SCN2A: variants seen among roughly 807,000 people sequenced by gnomAD.
SCN2A encodes sodium channel protein type 2 subunit alpha.
Under a neutral mutation model 188.7 loss-of-function variants are expected in SCN2A, and 20 were observed. The observed-to-expected ratio is 0.11, with a 90% CI of 0.07 to 0.15. The LOEUF is 0.15. Among genes scored for constraint, SCN2A ranks in the 10% least tolerant of loss-of-function variants. The probability of loss-of-function intolerance (pLI) is 1.00; values close to 1 mark genes in which losing one functional copy is unlikely to be tolerated. For missense variants in SCN2A, 1,278 were observed against 2,445.0 expected, an observed-to-expected ratio of 0.52 and a Z score of 10.07; for synonymous variants, 804 against 833.1, an observed-to-expected ratio of 0.97 and a Z score of 0.60.
chr2:165,258,966 A>C (rs1244954654), intron 1 of SCN2A, among the ~76,000 whole-genome samples: 1 of 152,220 alleles, frequency 6.6e-6, no homozygotes, highest in Non-Finnish European at 1.5e-5. Flanking sequence ...AGAGGATCAC[A>C]GAAAAGTGCT....
rs1700953750 is a variant in SCN2A at position 165,370,199 on chromosome 2, C to T, written c.3749C>T (p.Thr1250Ile). 1 of 1,613,950 alleles carries T rather than the reference C, an allele frequency of 6.2e-7. No individual in the cohort carries two copies. The highest frequency in any genetic ancestry group is 8.5e-7 in the Non-Finnish European group (1 of 1,179,956). The stretch of plus-strand genomic sequence containing the variant: ...TTAGAATATGCTGACAAGGTTTTCA[C>T]TTACATATTCATTCTGGAAATGCTG... ...TMLEYADKVF[T>I]YIFILEMLLK... is the part of the protein sequence containing the mutation. The change falls in exon 20 of 27, where the codon ACT becomes ATT. Residue 1250 changes from threonine (T) to isoleucine (I), a missense_variant. This residue lies in a region of SCN2A where 39 missense variants were observed against 130.2 expected (regional missense o/e 0.30). Coordinates refer to ENST00000375437, the MANE Select transcript of SCN2A (RefSeq NM_001040142.2).
At chr2:165,326,711 C>A in intron 12 of SCN2A, 141 bp from the exon 13 acceptor site, 2 of 1,017,674 alleles carry the variant, frequency 2.0e-6, no homozygotes, top group Non-Finnish European at 3.0e-6. Context: ...AAAGAATTAT[C>A]ATTCCAACAA....
intron 1 of SCN2A, among the ~76,000 whole-genome samples, chr2:165,251,240 C>CT (rs1694079222): frequency 6.6e-6 from 1 of 151,968 alleles, no homozygotes; most frequent in Non-Finnish European, 1.5e-5. Flanking sequence ...TGCTGAGTGG[C>CT]TCATAGACAA....
chr2:165,244,654 T>C (rs1693767245), intron 1 of SCN2A, among the ~76,000 whole-genome samples: 2 of 152,190 alleles, frequency 1.3e-5, no homozygotes, highest in Admixed American at 1.3e-4. Context: ...CAGTTAACTG[T>C]TTGTACTTAC....
At chr2:165,281,138 T>C (rs926717429) in intron 1 of SCN2A, among the ~76,000 whole-genome samples, 23 of 152,230 alleles carry the variant, frequency 1.5e-4, no homozygotes, top group Admixed American at 2.6e-4. Flanking sequence ...GGAGGATCAC[T>C]GGAGCCCAGG....
rs553234530 is a variant in SCN2A at position 165,240,756 on chromosome 2, C to T, written c.-52+1116C>T. On this transcript the variant is annotated intron_variant, in intron 1 of 26. Coordinates refer to ENST00000375437, the MANE Select transcript of SCN2A (RefSeq NM_001040142.2). ...ATGTTTTTATCTCAGTCATTGTTTTCCTGTAAAGAGGTAGTTTTGCCATGT... is the reference window on the plus strand; with the variant it reads ...ATGTTTTTATCTCAGTCATTGTTTTTCTGTAAAGAGGTAGTTTTGCCATGT... 2.8e-5 allele frequency among the ~76,000 whole-genome samples: 4 copies of T among 141,864 alleles called. No individual in the cohort carries two copies. The East Asian group carries it at 8.6e-4, about 31-fold the overall frequency. 93.1% of individuals were successfully genotyped at this position (141,864 alleles called of 152,430 possible). A position where few individuals can be genotyped will look rare whatever the true frequency, so the allele number is the denominator to read the frequency against.
intron 20 of SCN2A, 153 bp downstream of exon 20, chr2:165,370,452 T>C (rs1373916766): frequency 6.5e-6 from 5 of 770,426 alleles, no homozygotes; most frequent in Non-Finnish European, 4.5e-6. Context: ...CCTCAAAACA[T>C]TTTTTACCAA....
At chr2:165,305,717 T>C (rs1224348043) in intron 3 of SCN2A, among the ~76,000 whole-genome samples, 1 of 152,180 alleles carries the variant, frequency 6.6e-6, no homozygotes, top group Non-Finnish European at 1.5e-5. Flanking sequence ...TGACAAAACG[T>C]GAAGATGTTG....
At chr2:165,335,715 G>A (rs1360046118) in intron 14 of SCN2A, among the ~76,000 whole-genome samples, 1 of 151,480 alleles carries the variant, frequency 6.6e-6, no homozygotes, top group Non-Finnish European at 1.5e-5. Flanking sequence ...GATACCAAAA[G>A]CACACACAAT....
chr2:165,390,063 G>A lies in SCN2A; in HGVS notation c.*239G>A, dbSNP rs1702069410. ...ATTTTCACAACCAGCTGACACTGCTGAAGAGCAGAGGCGTAATGGCTACTC... is the reference window on the plus strand; with the variant it reads ...ATTTTCACAACCAGCTGACACTGCTAAAGAGCAGAGGCGTAATGGCTACTC... On this transcript the variant is annotated 3_prime_UTR_variant, in exon 27 of 27. Coordinates refer to ENST00000375437, the MANE Select transcript of SCN2A (RefSeq NM_001040142.2). 3.6e-6 allele frequency: 2 copies of A among 558,794 alleles called. No individual in the cohort carries two copies. The highest frequency in any genetic ancestry group is 3.0e-6 in the Non-Finnish European group (1 of 331,406). 34.6% of individuals were successfully genotyped at this position (558,794 alleles called of 1,614,324 possible).
intron 14 of SCN2A, among the ~76,000 whole-genome samples, chr2:165,334,489 A>T (rs1698876487): frequency 6.6e-6 from 1 of 151,834 alleles, no homozygotes; most frequent in African/African-American, 2.4e-5. Context: ...CAGCATAAAA[A>T]ATTAATGTAA....
chr2:165,244,939 G>A (rs1178552463), intron 1 of SCN2A, among the ~76,000 whole-genome samples: 1 of 151,292 alleles, frequency 6.6e-6, no homozygotes, highest in Non-Finnish European at 1.5e-5. Context: ...GTTCTCTTAA[G>A]CATATATGAA....
intron 1 of SCN2A, among the ~76,000 whole-genome samples, chr2:165,295,345 G>A (rs1165093515): frequency 6.6e-6 from 1 of 152,200 alleles, no homozygotes; most frequent in Non-Finnish European, 1.5e-5. Flanking sequence ...AAGATCCTCA[G>A]CTCAGGTTCT....
At chr2:165,350,630 A>G (rs10172059) in intron 16 of SCN2A, among the ~76,000 whole-genome samples, 101,901 of 140,904 alleles carry the variant, frequency 0.72, 37,174 homozygotes, top group African/African-American at 0.78. Flanking sequence ...CCGCCACTAC[A>G]CCCGGCCAAT....
intron 1 of SCN2A, among the ~76,000 whole-genome samples, chr2:165,283,454 C>A (rs1457171829): frequency 6.6e-6 from 1 of 152,138 alleles, no homozygotes; most frequent in Non-Finnish European, 1.5e-5. Context: ...AAGAGAGTTC[C>A]TTGTAAATGT....
intron 14 of SCN2A, among the ~76,000 whole-genome samples, chr2:165,336,931 C>A (rs577501933): frequency 6.6e-6 from 1 of 151,782 alleles, no homozygotes; most frequent in East Asian, 1.9e-4. Context: ...AGATGATATG[C>A]AACGAAATAG....
At chr2:165,365,002 G>A (rs544487277) in intron 17 of SCN2A, 141 bp from the exon 18 acceptor site, 47 of 759,590 alleles carry the variant, frequency 6.2e-5, no homozygotes, top group Admixed American at 3.7e-4. Context: ...TTACCAAAGC[G>A]GATTGGCATT....
At chr2:165,265,515 A>ATATATATAT in intron 1 of SCN2A, among the ~76,000 whole-genome samples, 1 of 115,474 alleles carries the variant, frequency 8.7e-6, no homozygotes, top group East Asian at 2.8e-4. Flanking sequence ...ATATATATAT[A>ATATATATAT]TTGCTGTGCA....
chr2:165,261,633 G>A (rs570783918), intron 1 of SCN2A, among the ~76,000 whole-genome samples: 11 of 152,314 alleles, frequency 7.2e-5, no homozygotes, highest in South Asian at 4.1e-4. Context: ...AATTTGGGAC[G>A]TCCTTCATAT....
Sources: allele counts gnomAD v4.1 joint callset (sites outside exome capture counted in the v4.1 genomes callset), GRCh38; gene constraint gnomAD v4.1.1; regional missense constraint gnomAD v4.1.1; transcripts MANE v1.5; gene names NCBI Gene and HGNC (gene_info 2026-07-23, HGNC 2026-07-21).